Variants in GPBP1 observed in about 807,000 individuals in gnomAD.
The protein encoded by GPBP1 is GC-rich promoter binding protein 1, also known as vasculin.
Under a neutral mutation model 56.5 loss-of-function variants are expected in GPBP1, and 13 were observed. The observed-to-expected ratio is 0.23, with a 90% confidence interval of 0.15 to 0.37. GPBP1 has a LOEUF of 0.37. Ranked by LOEUF, GPBP1 falls within the 10% of genes least tolerant of loss-of-function variation. GPBP1 has a pLI of 1.00. For missense variants in GPBP1, 477 were observed against 572.3 expected (o/e 0.83, Z 1.70); for synonymous variants, 204 against 188.9 (o/e 1.08, Z -0.66).
intron 2 of GPBP1, among the ~76,000 whole-genome samples, chr5:57,176,669 T>A (rs963508175): frequency 6.6e-6 from 1 of 152,238 alleles, no homozygotes; most frequent in African/African-American, 2.4e-5. Flanking sequence ...TAAATTCGTA[T>A]GGCCGGTATA....
chr5:57,251,111 T>C lies in GPBP1; in HGVS notation c.1130T>C (p.Val377Ala). 6.2e-7 allele frequency: 1 copy of C among 1,610,138 alleles called. No homozygotes were observed. The highest frequency in any genetic ancestry group is 1.1e-5 in the South Asian group (1 of 90,100). The change falls in exon 10 of 12, where the codon GTT becomes GCT. Residue 377 changes from valine to alanine, a missense_variant. Around this residue, in one of 2 missense-constraint regions of GPBP1, gnomAD observed 63 missense variants for 114.0 expected, o/e 0.55. Coordinates refer to ENST00000506184, the MANE Select transcript of GPBP1 (RefSeq NM_022913.4). ...TCTTCAACCTTCCCACAAACTGATG[T>C]TCTTTCAAGTTCACTTGAGGCAGAA... Reference protein sequence around the residue: ...IRSSTFPQTDVLSSSLEAEHR... With the variant: ...IRSSTFPQTDALSSSLEAEHR...
Position 57,185,258 on chromosome 5 carries a change from C to CTTTTTTTT in GPBP1, c.-58+8870_-58+8877dup, listed in dbSNP as rs747214276. ...TTTTGGCAACCATCTTTGGTTAGGT[C>CTTTTTTTT]TTTTTTTTTTTTTTTTTTTAAAGAC... On this transcript the variant is annotated intron_variant, in intron 2 of 11. Transcript: ENST00000506184. Among the ~76,000 whole-genome samples the CTTTTTTTT allele has an allele frequency of 2.4e-3, 305 of 128,632 alleles. 2 individuals carry two copies. The highest frequency in any genetic ancestry group is 8.5e-3 in the African/African-American group (292 of 34,538). The allele number at this position is 128,632 out of a possible 152,430, so 84.4% of individuals were successfully genotyped here.
intron 2 of GPBP1, among the ~76,000 whole-genome samples, chr5:57,198,623 C>G (rs560786049): frequency 1.6e-4 from 24 of 152,104 alleles, no homozygotes; most frequent in African/African-American, 5.5e-4. Flanking sequence ...CTGAGACTGG[C>G]GGATTGCTTG....
intron 2 of GPBP1, among the ~76,000 whole-genome samples, chr5:57,196,614 A>G (rs928505023): frequency 6.6e-6 from 1 of 152,098 alleles, no homozygotes; most frequent in Non-Finnish European, 1.5e-5. Context: ...TTTGGAGACA[A>G]GGTCTCGCTC....
chr5:57,203,904 G>A (rs971346504), intron 2 of GPBP1, among the ~76,000 whole-genome samples: 1 of 152,128 alleles, frequency 6.6e-6, no homozygotes, highest in Non-Finnish European at 1.5e-5. Context: ...CTAAAAAATA[G>A]GGAAGCAATA....
chr5:57,208,570 G>A (rs1331995816), intron 2 of GPBP1, among the ~76,000 whole-genome samples: 2 of 151,674 alleles, frequency 1.3e-5, no homozygotes, highest in African/African-American at 4.8e-5. Flanking sequence ...CGTTGAATCT[G>A]TAGATCATGT....
intron 3 of GPBP1, among the ~76,000 whole-genome samples, chr5:57,226,636 T>C (rs1457343422): frequency 7.1e-6 from 1 of 141,290 alleles, no homozygotes. Context: ...CTCAGCTCAC[T>C]GCAGCCTCCG....
chr5:57,224,767 C>T, intron 3 of GPBP1, among the ~76,000 whole-genome samples: 1 of 152,088 alleles, frequency 6.6e-6, no homozygotes, highest in East Asian at 1.9e-4. Flanking sequence ...CATGATGTTG[C>T]TTTCCCCTAA....
intron 2 of GPBP1, among the ~76,000 whole-genome samples, chr5:57,202,135 G>A (rs1330235486): frequency 6.6e-6 from 1 of 152,046 alleles, no homozygotes; most frequent in African/African-American, 2.4e-5. Flanking sequence ...CTGGGACTAC[G>A]GGTGCATGCC....
intron 2 of GPBP1, among the ~76,000 whole-genome samples, chr5:57,193,737 A>G (rs1158807872): frequency 2.0e-5 from 3 of 151,934 alleles, no homozygotes; most frequent in Non-Finnish European, 4.4e-5. Flanking sequence ...GCTTGGGATG[A>G]TTGGTCTTTA....
intron 6 of GPBP1, chr5:57,237,045 TG>T: frequency 3.5e-6 from 4 of 1,127,064 alleles, no homozygotes; most frequent in Non-Finnish European, 5.3e-6. Context: ...CAGACACTTT[TG>T]TTAGAACCAT....
rs1742003348 is a variant in GPBP1, at chr5:57,263,767, A to C, written c.*1015A>C. 2 of 152,204 alleles carry C rather than the reference A, an allele frequency of 1.3e-5. No homozygotes were observed. Among genetic ancestry groups the C allele is most frequent in the Non-Finnish European group, 2.9e-5 (2 of 68,010 alleles). 9.4% of individuals were successfully genotyped at this position (152,204 alleles called of 1,614,324 possible). A position where few individuals can be genotyped will look rare whatever the true frequency, so the allele number is the denominator to read the frequency against. On this transcript the variant is annotated 3_prime_UTR_variant, in exon 12 of 12. Coordinates refer to ENST00000506184, the MANE Select transcript of GPBP1 (RefSeq NM_022913.4). ...TCATTATCAAATACACAAGCTTATT[A>C]AATGAATGACTGTTAACTACTTTAT...
intron 4 of GPBP1, 38 bp from the exon 5 acceptor site, chr5:57,231,060 T>A: frequency 6.3e-7 from 1 of 1,588,630 alleles, no homozygotes; most frequent in Non-Finnish European, 8.6e-7. Flanking sequence ...AAGCTTCTCT[T>A]CTTTGAATTT....
At chr5:57,216,054 C>T (rs1561345470) in intron 3 of GPBP1, among the ~76,000 whole-genome samples, 1 of 152,202 alleles carries the variant, frequency 6.6e-6, no homozygotes, top group Non-Finnish European at 1.5e-5. Flanking sequence ...TGTGAAACTA[C>T]TGCCCTATTA....
At chr5:57,204,589 C>T (rs1431887576) in intron 2 of GPBP1, among the ~76,000 whole-genome samples, 2 of 152,140 alleles carry the variant, frequency 1.3e-5, no homozygotes, top group Non-Finnish European at 2.9e-5. Context: ...TGAATTTAAA[C>T]CTGACACTTC....
chr5:57,202,285 C>T (rs575726511), intron 2 of GPBP1, among the ~76,000 whole-genome samples: 2 of 151,718 alleles, frequency 1.3e-5, no homozygotes, highest in African/African-American at 4.8e-5. Flanking sequence ...GGGCCTGGCT[C>T]CAGCATTGTT....
At chr5:57,226,057 A>G (rs1756174215) in intron 3 of GPBP1, among the ~76,000 whole-genome samples, 1 of 152,380 alleles carries the variant, frequency 6.6e-6, no homozygotes, top group Middle Eastern at 3.4e-3. Flanking sequence ...ATCAAGTTTA[A>G]CAACAGATCT....
rs372645689 is a variant in GPBP1, at chr5:57,174,895, G to T, written c.-1010-553G>T. Reference sequence around the variant, plus strand: ...CCCTCAGAAGTGGGGAAGTCTCCTCGGGAGAATTTAAGAAGCGGGTTTGCC... The same window carrying T: ...CCCTCAGAAGTGGGGAAGTCTCCTCTGGAGAATTTAAGAAGCGGGTTTGCC... On this transcript the variant is annotated intron_variant, in intron 1 of 11. Coordinates refer to ENST00000506184, the MANE Select transcript of GPBP1 (RefSeq NM_022913.4). Among the ~76,000 whole-genome samples the T allele has an allele frequency of 5.9e-5, 9 of 152,284 alleles. No homozygotes were observed. The East Asian group carries it at 1.5e-3, about 26-fold the overall frequency.
At chr5:57,204,170 G>A (rs945479233) in intron 2 of GPBP1, among the ~76,000 whole-genome samples, 1 of 152,002 alleles carries the variant, frequency 6.6e-6, no homozygotes, top group African/African-American at 2.4e-5. Context: ...ACAATTCAGT[G>A]GAATAAAAAT....
Sources: gnomAD v4.1 joint callset for allele counts (sites outside exome capture counted in the v4.1 genomes callset) on GRCh38, gnomAD v4.1.1 for gene constraint, gnomAD v4.1.1 regional missense constraint, MANE v1.5 for transcripts, NCBI Gene and HGNC (gene_info 2026-07-23, HGNC 2026-07-21) for gene names.